The following ATP2C1 variants were observed in gnomAD, a reference collection of about 807,000 sequenced individuals.
The protein encoded by ATP2C1 is calcium-transporting ATPase type 2C member 1.
Under a neutral mutation model 120.5 loss-of-function variants are expected in ATP2C1, and 31 were observed. That is an observed-to-expected ratio of 0.26 (90% CI 0.19 to 0.35). ATP2C1 has a LOEUF of 0.35. Ranked by LOEUF, ATP2C1 falls within the 10% of genes least tolerant of loss-of-function variation. ATP2C1 has a pLI of 1.00. For synonymous variants in ATP2C1, 351 were observed against 358.7 expected (o/e 0.98, Z 0.24); for missense variants, 731 against 1,107.5 (o/e 0.66, Z 4.83).
intron 16 of ATP2C1, among the ~76,000 whole-genome samples, chr3:130,967,995 G>A (rs985262210): frequency 1.8e-4 from 28 of 152,114 alleles, no homozygotes; most frequent in African/African-American, 6.8e-4. Context: ...AGTCCAGCCT[G>A]TCACTCATAA....
At chr3:130,945,464 A>G (rs1180809576) in intron 8 of ATP2C1, among the ~76,000 whole-genome samples, 1 of 150,616 alleles carries the variant, frequency 6.6e-6, no homozygotes, top group Non-Finnish European at 1.5e-5. Flanking sequence ...TGCAGCACCC[A>G]TTAACTTGTC....
chr3:130,917,479 A>C (rs972984432), intron 2 of ATP2C1, among the ~76,000 whole-genome samples: 1 of 152,236 alleles, frequency 6.6e-6, no homozygotes, highest in Non-Finnish European at 1.5e-5. Context: ...TGTTTAACAC[A>C]TAACAGCTGG....
At chr3:130,918,950 C>T (rs963487418) in intron 2 of ATP2C1, 183 of 366,520 alleles carry the variant, frequency 5.0e-4, no homozygotes, top group Non-Finnish European at 8.4e-4. Context: ...CTAGATCGCG[C>T]CACTGCACTC....
chr3:130,911,811 A>C (rs1431613873), intron 2 of ATP2C1, among the ~76,000 whole-genome samples: 2 of 147,478 alleles, frequency 1.4e-5, no homozygotes, highest in Admixed American at 6.8e-5. Flanking sequence ...CTAAGCCAAA[A>C]GAACAAAGCT....
intron 2 of ATP2C1, among the ~76,000 whole-genome samples, chr3:130,916,887 G>C (rs1033684515): frequency 2.6e-5 from 4 of 151,986 alleles, no homozygotes; most frequent in Non-Finnish European, 4.4e-5. Context: ...TCTAAACATA[G>C]CTTTTGTAAA....
rs556655893 is a variant in ATP2C1, at chr3:131,001,145, G to GA, written c.2630-70dup. ...AAAAAAAAGTTGTGTTAAAATGCTA[G>GA]AAAAATGTAAGCTATTAAGCTTTGC... On this transcript the variant is annotated intron_variant, in intron 27 of 27. Transcript: ENST00000510168. 1.8e-3 allele frequency: 1,439 copies of GA among 810,816 alleles called. 4 individuals carry two copies. Among genetic ancestry groups the GA allele is most frequent in the Non-Finnish European group, 2.6e-3 (1,358 of 526,276 alleles). 50.2% of individuals were successfully genotyped at this position (810,816 alleles called of 1,614,324 possible). A position where few individuals can be genotyped will look rare whatever the true frequency, so the allele number is the denominator to read the frequency against.
intron 5 of ATP2C1, 95 bp downstream of exon 5, chr3:130,934,806 AT>A (rs2059597232): frequency 8.2e-6 from 7 of 856,004 alleles, no homozygotes; most frequent in South Asian, 4.4e-5. Context: ...GTGCTCTCAG[AT>A]TTTTTTCAGT....
At chr3:130,934,802 T>C in intron 5 of ATP2C1, 91 bp downstream of exon 5, 1 of 883,810 alleles carries the variant, frequency 1.1e-6, no homozygotes, top group Non-Finnish European at 1.8e-6. Flanking sequence ...AGAAGTGCTC[T>C]CAGATTTTTT....
intron 2 of ATP2C1, among the ~76,000 whole-genome samples, chr3:130,901,634 C>G (rs1434127898): frequency 6.6e-6 from 1 of 151,988 alleles, no homozygotes; most frequent in Non-Finnish European, 1.5e-5. Context: ...GATTTAGGGG[C>G]TGGCTGAAGG....
intron 8 of ATP2C1, among the ~76,000 whole-genome samples, chr3:130,943,606 C>G (rs1044010946): frequency 3.3e-5 from 5 of 152,162 alleles, no homozygotes; most frequent in Non-Finnish European, 7.4e-5. Flanking sequence ...GTTAACTTTG[C>G]AAGCACTTCA....
At chr3:130,960,805 C>T (rs2060787175) in intron 12 of ATP2C1, among the ~76,000 whole-genome samples, 1 of 152,118 alleles carries the variant, frequency 6.6e-6, no homozygotes. Context: ...TAGGCAAGTA[C>T]TCAGAACATT....
intron 20 of ATP2C1, among the ~76,000 whole-genome samples, chr3:130,985,658 C>CA (rs199690345): frequency 0.11 from 14,080 of 131,898 alleles, 863 homozygotes; most frequent in East Asian, 0.17. Context: ...CCCGCCCCAC[C>CA]AAAAAAAAAA....
intron 2 of ATP2C1, among the ~76,000 whole-genome samples, chr3:130,898,301 A>G (rs948292266): frequency 4.6e-5 from 7 of 152,284 alleles, no homozygotes; most frequent in Middle Eastern, 6.8e-3. Context: ...TTTACACTTT[A>G]CTTTTAAAAG....
chr3:130,885,945 A>G (rs1001934014), intron 1 of ATP2C1, among the ~76,000 whole-genome samples: 4 of 152,190 alleles, frequency 2.6e-5, no homozygotes, highest in Non-Finnish European at 5.9e-5. Context: ...ATATTCATAT[A>G]GATGATTTCT....
chr3:130,886,870 G>A (rs1261882952), intron 1 of ATP2C1, among the ~76,000 whole-genome samples: 2 of 152,174 alleles, frequency 1.3e-5, no homozygotes, highest in East Asian at 3.8e-4. Context: ...ATTTAGTGAG[G>A]TCATGTTTTC....
intron 2 of ATP2C1, among the ~76,000 whole-genome samples, chr3:130,915,536 A>C (rs996326127): frequency 1.3e-5 from 2 of 152,204 alleles, no homozygotes; most frequent in Non-Finnish European, 2.9e-5. Flanking sequence ...GCTATATGCC[A>C]GGCATAGTGA....
intron 2 of ATP2C1, among the ~76,000 whole-genome samples, chr3:130,903,370 G>A (rs1409959970): frequency 3.3e-5 from 5 of 151,976 alleles, no homozygotes; most frequent in Non-Finnish European, 7.4e-5. Context: ...ATATTAAATT[G>A]TATTTGACTG....
At chr3:130,949,268 A>G (rs954522651) in intron 8 of ATP2C1, among the ~76,000 whole-genome samples, 12 of 152,330 alleles carry the variant, frequency 7.9e-5, no homozygotes, top group Admixed American at 1.3e-4. Context: ...GTGAACACAC[A>G]AATGATAAGA....
At chr3:130,991,491 T>G (rs2062339959) in intron 20 of ATP2C1, among the ~76,000 whole-genome samples, 2 of 151,994 alleles carry the variant, frequency 1.3e-5, no homozygotes, top group South Asian at 4.2e-4. Flanking sequence ...ATATCAAAAT[T>G]TTTTCCTTGC....
Sources: allele counts gnomAD v4.1 joint callset (sites outside exome capture counted in the v4.1 genomes callset), GRCh38; gene constraint gnomAD v4.1.1; transcripts MANE v1.5; gene names NCBI Gene and HGNC (gene_info 2026-07-23, HGNC 2026-07-21).